The following FEZ1 variants were observed in gnomAD, a reference collection of about 807,000 sequenced individuals.
The protein encoded by FEZ1 is fasciculation and elongation protein zeta-1.
A neutral mutation model predicts 49.3 loss-of-function variants in FEZ1; 20 were observed. That is an observed-to-expected ratio of 0.41 (90% confidence interval 0.29 to 0.59). The LOEUF (loss-of-function observed/expected upper bound fraction) is 0.59. FEZ1 is among the 20% of genes least tolerant of loss of function. FEZ1 has a pLI of 0.36. For synonymous variants in FEZ1, 170 were observed against 180.9 expected, an observed-to-expected ratio of 0.94 and a Z score of 0.48; for missense variants, 413 against 476.0, an observed-to-expected ratio of 0.87 and a Z score of 1.23.
chr11:125,484,964 T>C (rs1957314358), intron 2 of FEZ1, among the ~76,000 whole-genome samples: 1 of 152,180 alleles, frequency 6.6e-6, no homozygotes, highest in Non-Finnish European at 1.5e-5. Context: ...TATCCCATCA[T>C]ATATCCCATC....
chr11:125,493,317 A>G (rs1957401228), intron 1 of FEZ1, among the ~76,000 whole-genome samples: 1 of 149,416 alleles, frequency 6.7e-6, no homozygotes, highest in South Asian at 2.1e-4. Flanking sequence ...CTGGGCAACA[A>G]GAGCGAAACT....
chr11:125,450,581 C>T (rs1350903079), intron 8 of FEZ1, among the ~76,000 whole-genome samples: 1 of 152,166 alleles, frequency 6.6e-6, no homozygotes, highest in African/African-American at 2.4e-5. Flanking sequence ...AGGCATTGTT[C>T]ACAAATTCAT....
chr11:125,481,234 A>C (rs990996291), intron 3 of FEZ1, among the ~76,000 whole-genome samples: 1 of 151,588 alleles, frequency 6.6e-6, no homozygotes, highest in Non-Finnish European at 1.5e-5. Context: ...TTTTAATTGA[A>C]CCTCCTAGGC....
At chr11:125,446,796 G>A (rs1956903176) in intron 9 of FEZ1, among the ~76,000 whole-genome samples, 1 of 151,982 alleles carries the variant, frequency 6.6e-6, no homozygotes, top group Non-Finnish European at 1.5e-5. Context: ...TCTCACCTCA[G>A]CCTCCTGAGT....
chr11:125,452,472 T>G, intron 7 of FEZ1, 63 bp from the exon 8 acceptor site: 1 of 1,086,420 alleles, frequency 9.2e-7, no homozygotes, highest in Non-Finnish European at 1.4e-6. Context: ...GGGTTGAGAT[T>G]TAGCCTTTCT....
At chr11:125,458,719 G>A (rs1209844935) in intron 5 of FEZ1, among the ~76,000 whole-genome samples, 1 of 152,126 alleles carries the variant, frequency 6.6e-6, no homozygotes, top group African/African-American at 2.4e-5. Flanking sequence ...TAAGCCTCTT[G>A]TCATTCTTAT....
At chr11:125,493,534 G>C (rs563191048) in intron 1 of FEZ1, among the ~76,000 whole-genome samples, 1 of 150,582 alleles carries the variant, frequency 6.6e-6, no homozygotes, top group Admixed American at 6.6e-5. Context: ...AAGAAAGAAA[G>C]AAAGAAAGAA....
chr11:125,481,817 T>C (rs1957282019), intron 2 of FEZ1, 184 bp from the exon 3 acceptor site: 6 of 604,682 alleles, frequency 9.9e-6, no homozygotes, highest in South Asian at 2.0e-5. Flanking sequence ...GGGGAGAAAG[T>C]GCATGGAGCT....
intron 3 of FEZ1, 48 bp downstream of exon 3, chr11:125,481,486 G>T: frequency 9.8e-7 from 1 of 1,017,786 alleles, no homozygotes; most frequent in Non-Finnish European, 1.6e-6. Flanking sequence ...TTTTCTAACT[G>T]GATTCCACAT....
intron 3 of FEZ1, among the ~76,000 whole-genome samples, chr11:125,475,742 TA>T (rs145353093): frequency 4.3e-4 from 62 of 143,134 alleles, no homozygotes; most frequent in Admixed American, 6.3e-4. Flanking sequence ...AAATAAAAGC[TA>T]AAAAAAAAAA....
At chr11:125,450,707 T>C (rs1956946700) in intron 8 of FEZ1, among the ~76,000 whole-genome samples, 1 of 152,122 alleles carries the variant, frequency 6.6e-6, no homozygotes, top group African/African-American at 2.4e-5. Context: ...TATATCCACA[T>C]GATAGAAGAG....
intron 5 of FEZ1, among the ~76,000 whole-genome samples, chr11:125,457,669 T>C (rs1957033356): frequency 1.3e-5 from 2 of 151,784 alleles, no homozygotes; most frequent in Admixed American, 1.3e-4. Context: ...GTGTATGTGT[T>C]TATGGAGCAC....
intron 2 of FEZ1, among the ~76,000 whole-genome samples, chr11:125,485,607 A>G (rs1411680653): frequency 6.6e-6 from 1 of 152,122 alleles, no homozygotes; most frequent in Non-Finnish European, 1.5e-5. Flanking sequence ...AATGTGTATT[A>G]ATTTGAGTAC....
At chr11:125,450,985 C>G (rs1291729731) in intron 8 of FEZ1, among the ~76,000 whole-genome samples, 2 of 151,968 alleles carry the variant, frequency 1.3e-5, no homozygotes, top group Admixed American at 6.6e-5. Context: ...CAAAACCACT[C>G]AAAATAGAAA....
chr11:125,491,823 A>G (rs898892930), intron 1 of FEZ1, among the ~76,000 whole-genome samples: 2 of 152,270 alleles, frequency 1.3e-5, no homozygotes, highest in African/African-American at 4.8e-5. Flanking sequence ...CAAAGGCAAC[A>G]TGATAGGACC....
intron 1 of FEZ1, among the ~76,000 whole-genome samples, chr11:125,493,172 CA>C (rs576444823): frequency 0.052 from 6,982 of 134,708 alleles, 230 homozygotes; most frequent in Middle Eastern, 0.093. Flanking sequence ...ACTAAAAATA[CA>C]AAAAAAAAAA....
intron 3 of FEZ1, 147 bp downstream of exon 3, chr11:125,481,387 C>T: frequency 1.4e-6 from 1 of 709,246 alleles, no homozygotes; most frequent in South Asian, 1.6e-5. Flanking sequence ...TGAACTCAAG[C>T]AATCACCCAC....
At chr11:125,456,754 C>T (rs1957014584) in intron 5 of FEZ1, among the ~76,000 whole-genome samples, 1 of 152,154 alleles carries the variant, frequency 6.6e-6, no homozygotes, top group Non-Finnish European at 1.5e-5. Flanking sequence ...AAATATATAA[C>T]TTTAAGAAGT....
chr11:125,461,072 A>T (rs1957069684), intron 4 of FEZ1, among the ~76,000 whole-genome samples: 1 of 152,344 alleles, frequency 6.6e-6, no homozygotes, highest in African/African-American at 2.4e-5. Flanking sequence ...TGACTGTAAA[A>T]AATAGCGTGC....
Sources: allele counts gnomAD v4.1 joint callset (sites outside exome capture counted in the v4.1 genomes callset), GRCh38; gene constraint gnomAD v4.1.1; transcripts MANE v1.5; gene names NCBI Gene and HGNC (gene_info 2026-07-23, HGNC 2026-07-21).